ITGA11: variants seen among roughly 807,000 people sequenced by gnomAD.
ITGA11 encodes the protein integrin alpha-11.
A neutral mutation model predicts 141.9 loss-of-function variants in ITGA11; 97 were observed. That is an observed-to-expected ratio of 0.68 (90% CI 0.58 to 0.81). ITGA11 has a LOEUF of 0.81. Among genes scored for constraint, ITGA11 ranks in the 30% least tolerant of loss-of-function variants. The pLI is 0.00. For missense variants in ITGA11, 1,387 were observed against 1,559.2 expected (o/e 0.89, Z 1.86); for synonymous variants, 658 against 624.6 (o/e 1.05, Z -0.80).
intron 1 of ITGA11, among the ~76,000 whole-genome samples, chr15:68,413,173 G>A (rs978738284): frequency 2.2e-4 from 34 of 152,150 alleles, no homozygotes; most frequent in African/African-American, 8.2e-4. Context: ...GACATAAGAT[G>A]CCTCACTGAA....
chr15:68,348,701 A>G (rs1894812302), intron 10 of ITGA11, 129 bp downstream of exon 10: 6 of 756,558 alleles, frequency 7.9e-6, no homozygotes, highest in Non-Finnish European at 1.3e-5. Context: ...ACCCCAAGAA[A>G]GAGAGAAAGT....
At position 68,325,028 on chromosome 15, in the gene ITGA11, G is replaced by A. The variant is rs562995254; in HGVS notation, c.2322+103C>T. ...GAGGTGGGAAGGTGAGATGAGGGATGGTGTCCTCTGTACCCGGCACACTCA... is the reference window on the plus strand; with the variant it reads ...GAGGTGGGAAGGTGAGATGAGGGATAGTGTCCTCTGTACCCGGCACACTCA... On this transcript the variant is annotated intron_variant, in intron 18 of 29. Coordinates refer to ENST00000315757, the MANE Select transcript of ITGA11 (RefSeq NM_001004439.2). This position sits in a 1 kb window ranked among gnomAD's most constrained non-coding sequence, Gnocchi z 5.5. 1.2e-5 allele frequency: 10 copies of A among 829,834 alleles called. No individual in the cohort carries two copies. The highest frequency in any genetic ancestry group is 3.7e-5 in the Admixed American group (2 of 54,066). The allele number at this position is 829,834 out of a possible 1,614,324, so 51.4% of individuals were successfully genotyped here.
chr15:68,422,148 C>T (rs966797655), intron 1 of ITGA11, among the ~76,000 whole-genome samples: 80 of 152,166 alleles, frequency 5.3e-4, no homozygotes, highest in African/African-American at 1.8e-3. Context: ...CACTCAGGCC[C>T]GCACCACTGA....
At chr15:68,412,813 C>T (rs1255646240) in intron 1 of ITGA11, among the ~76,000 whole-genome samples, 1 of 151,470 alleles carries the variant, frequency 6.6e-6, no homozygotes, top group African/African-American at 2.4e-5. Context: ...GTAGCTGGGA[C>T]TACAGGCATG....
At chr15:68,353,534 A>C (rs1293231311) in intron 7 of ITGA11, among the ~76,000 whole-genome samples, 1 of 152,240 alleles carries the variant, frequency 6.6e-6, no homozygotes, top group South Asian at 2.1e-4. Flanking sequence ...GACCCAAGAA[A>C]AATGTCAGGA....
intron 20 of ITGA11, among the ~76,000 whole-genome samples, chr15:68,317,675 C>T (rs143259904): frequency 1.3e-5 from 2 of 152,284 alleles, no homozygotes; most frequent in East Asian, 1.9e-4. Flanking sequence ...CAGTAACTAC[C>T]TCATCTAGTT....
intron 19 of ITGA11, 133 bp from the exon 20 acceptor site, chr15:68,320,525 G>C: frequency 1.5e-6 from 1 of 658,584 alleles, no homozygotes; most frequent in Non-Finnish European, 2.6e-6. Flanking sequence ...TAGCCACTGG[G>C]AGGAGAGTGG....
At chr15:68,374,263 C>T (rs1170780538) in intron 2 of ITGA11, among the ~76,000 whole-genome samples, 1 of 152,200 alleles carries the variant, frequency 6.6e-6, no homozygotes, top group African/African-American at 2.4e-5. Flanking sequence ...TTTCCCCTGG[C>T]CTAGCCTTGT....
chr15:68,385,707 G>A (rs996124622), intron 2 of ITGA11, among the ~76,000 whole-genome samples: 1 of 152,168 alleles, frequency 6.6e-6, no homozygotes, highest in Non-Finnish European at 1.5e-5. Context: ...TGTTATTCCC[G>A]GTGGAAATGC....
In ITGA11 at chr15:68,432,030, G is replaced by A. The variant is rs1375931799; in HGVS notation, c.37C>T (p.Leu13Phe). 7.5e-6 allele frequency: 10 copies of A among 1,339,474 alleles called. No homozygotes were observed. The highest frequency in any genetic ancestry group is 9.6e-6 in the Non-Finnish European group (10 of 1,042,906). The allele number at this position is 1,339,474 out of a possible 1,614,324, so 83.0% of individuals were successfully genotyped here. A position where few individuals can be genotyped will look rare whatever the true frequency, so the allele number is the denominator to read the frequency against. The change falls in exon 1 of 30, where the codon CTC becomes TTC. Residue 13 changes from leucine (L) to phenylalanine (F), a missense_variant. Coordinates refer to ENST00000315757, the MANE Select transcript of ITGA11 (RefSeq NM_001004439.2). ...LPRGLVVAWA[L>F]SLWPGFTDTF... ...GGGCACCTACCTGGCCACAGGCTGA[G>A]CGCCCAGGCCACCACCAGGCCCCTG... is the stretch of plus-strand genomic sequence containing the variant.
rs554312408 is a variant in ITGA11, at chr15:68,321,919, C to A, written c.2323-416G>T. ...CACTAGTGTAAAATGTGCAAAAAAACCGAAAAGAAATGTGCATGAGGAATA... is the reference window on the plus strand; with the variant it reads ...CACTAGTGTAAAATGTGCAAAAAAAACGAAAAGAAATGTGCATGAGGAATA... On this transcript the variant is annotated intron_variant, in intron 18 of 29. Coordinates refer to ENST00000315757, the MANE Select transcript of ITGA11 (RefSeq NM_001004439.2). The surrounding 1 kb of genome is among the most constrained non-coding windows in gnomAD (Gnocchi z 4.9). 2.4e-3 allele frequency among the ~76,000 whole-genome samples: 364 copies of A among 152,240 alleles called. 3 individuals carry two copies. The highest frequency in any genetic ancestry group is 8.4e-3 in the African/African-American group (347 of 41,528).
At chr15:68,388,558 G>A (rs536290177) in intron 2 of ITGA11, among the ~76,000 whole-genome samples, 94 of 152,118 alleles carry the variant, frequency 6.2e-4, no homozygotes, top group Non-Finnish European at 1.1e-3. Context: ...AACTCCATCA[G>A]AGCAGAGACC....
At chr15:68,371,679 C>T (rs1477719013) in intron 2 of ITGA11, among the ~76,000 whole-genome samples, 2 of 152,114 alleles carry the variant, frequency 1.3e-5, no homozygotes, top group African/African-American at 4.8e-5. Context: ...GATCATGCCA[C>T]TGTACTCCGG....
intron 1 of ITGA11, among the ~76,000 whole-genome samples, chr15:68,422,976 G>C (rs1419490762): frequency 1.3e-5 from 2 of 152,148 alleles, no homozygotes. Context: ...TTATCCCCCA[G>C]AGCATCTCCC....
rs776955792 is a variant in ITGA11, at chr15:68,351,367, G to A, written c.785C>T (p.Ala262Val). Residue 262 changes from alanine to valine, a missense_variant, in exon 8 of 30, where the codon GCC (alanine) becomes GTC (valine). Transcript: ENST00000315757. ...EAFQKGGRKG[A>V]KKVMIVITDG... ...TGTGATGACAATCATCACCTTCTTG[G>A]CTCCTTTCCTTCCACCCTTCTGGAA... is the stretch of plus-strand genomic sequence containing the variant. 6 of 1,613,872 alleles carry A rather than the reference G, an allele frequency of 3.7e-6. No individual in the cohort carries two copies. The highest frequency in any genetic ancestry group is 5.1e-6 in the Non-Finnish European group (6 of 1,179,846).
intron 28 of ITGA11, among the ~76,000 whole-genome samples, chr15:68,306,306 G>A (rs1472122723): frequency 7.2e-6 from 1 of 138,310 alleles, no homozygotes; most frequent in Admixed American, 7.1e-5. Flanking sequence ...GTGAGAAGAA[G>A]GGTTCTCTCT....
chr15:68,362,779 A>G (rs1047466618), intron 4 of ITGA11, among the ~76,000 whole-genome samples: 12 of 152,026 alleles, frequency 7.9e-5, no homozygotes, highest in African/African-American at 2.4e-4. Flanking sequence ...TGAATGGATG[A>G]TGAATGAATG....
intron 23 of ITGA11, 55 bp downstream of exon 23, chr15:68,313,724 C>T: frequency 3.6e-6 from 5 of 1,406,014 alleles, no homozygotes; most frequent in Non-Finnish European, 5.0e-6. Context: ...CTTAGGCCTC[C>T]CTCCTCCCAT....
chr15:68,307,321 A>T lies in ITGA11; in HGVS notation c.3381+27T>A. The T allele has an allele frequency of 6.6e-7, 1 of 1,508,398 alleles. No individual in the cohort carries two copies. Among genetic ancestry groups the T allele is most frequent in the Non-Finnish European group, 9.0e-7 (1 of 1,108,020 alleles). The allele number at this position is 1,508,398 out of a possible 1,614,324, so 93.4% of individuals were successfully genotyped here. ...TTCCCAAGCTGTCCGGCCTAAGCCCAGTTCTGCAGGGCTCCCAGGGGCTCA... is the reference window on the plus strand; with the variant it reads ...TTCCCAAGCTGTCCGGCCTAAGCCCTGTTCTGCAGGGCTCCCAGGGGCTCA... On this transcript the variant is annotated intron_variant, in intron 28 of 29. Transcript: ENST00000315757. This position sits in a 1 kb window ranked among gnomAD's most constrained non-coding sequence, Gnocchi z 6.1.
Sources: gnomAD v4.1 joint callset for allele counts (sites outside exome capture counted in the v4.1 genomes callset) on GRCh38, gnomAD v4.1.1 for gene constraint, Gnocchi (gnomAD v3.1) non-coding constraint, MANE v1.5 for transcripts, NCBI Gene and HGNC (gene_info 2026-07-23, HGNC 2026-07-21) for gene names.